The following SPMIP11 variants were observed in gnomAD, a reference collection of about 807,000 sequenced individuals.
SPMIP11 encodes sperm microtubule inner protein 11.
chr12:48,735,019 A>AAG, the SPMIP11 span, among the ~76,000 whole-genome samples: 1 of 150,580 alleles, frequency 6.6e-6, no homozygotes, highest in Non-Finnish European at 1.5e-5. Flanking sequence ...AAAAAAAAAA[A>AAG]AAAAGAAGAG....
the SPMIP11 span, among the ~76,000 whole-genome samples, chr12:48,742,593 C>T: frequency 1.3e-5 from 2 of 152,030 alleles, no homozygotes; most frequent in Non-Finnish European, 2.9e-5. Context: ...TTTATAAAAG[C>T]CACTGCCAGG....
chr12:48,760,565 C>T, the SPMIP11 span, among the ~76,000 whole-genome samples: 3 of 152,106 alleles, frequency 2.0e-5, no homozygotes, highest in Admixed American at 1.3e-4. Flanking sequence ...CTCACTCTAT[C>T]GCCCAGGCTG....
the SPMIP11 span, among the ~76,000 whole-genome samples, chr12:48,746,360 CTTTTTTT>C: frequency 1.1e-4 from 11 of 101,236 alleles, no homozygotes; most frequent in South Asian, 3.4e-4. Flanking sequence ...ACTATAATTC[CTTTTTTT>C]TTTTTTTTTT....
the SPMIP11 span, among the ~76,000 whole-genome samples, chr12:48,736,948 G>A: frequency 1.6e-4 from 24 of 151,602 alleles, no homozygotes; most frequent in Middle Eastern, 3.4e-3. Context: ...ATTTCTTTCT[G>A]GAAGCTTTTT....
At chr12:48,759,222 A>G in the SPMIP11 span, 1 of 703,026 alleles carries the variant, frequency 1.4e-6, no homozygotes, top group Non-Finnish European at 2.6e-6. Context: ...AGAAGGAACC[A>G]GAGCCTACTA....
At chr12:48,757,629 G>C in the SPMIP11 span, among the ~76,000 whole-genome samples, 1 of 145,034 alleles carries the variant, frequency 6.9e-6, no homozygotes, top group Non-Finnish European at 1.5e-5. Context: ...CTGGGTGACA[G>C]AGTGAGACTC....
chr12:48,731,393 A>C, the SPMIP11 span, among the ~76,000 whole-genome samples: 2 of 152,052 alleles, frequency 1.3e-5, no homozygotes, highest in African/African-American at 4.8e-5. Context: ...GGGGAGGCTG[A>C]GGCAGGAGAA....
At chr12:48,751,193 G>A in the SPMIP11 span, among the ~76,000 whole-genome samples, 14 of 152,218 alleles carry the variant, frequency 9.2e-5, no homozygotes, top group South Asian at 2.7e-3. Flanking sequence ...GAGTCAACAC[G>A]TGTAATCAAA....
the SPMIP11 span, among the ~76,000 whole-genome samples, chr12:48,746,047 A>G: frequency 2.6e-5 from 4 of 152,314 alleles, no homozygotes; most frequent in African/African-American, 9.6e-5. Context: ...TGTGTAAGAC[A>G]CTGGAAATAC....
At chr12:48,757,024 C>T in the SPMIP11 span, among the ~76,000 whole-genome samples, 17 of 152,210 alleles carry the variant, frequency 1.1e-4, no homozygotes, top group Middle Eastern at 3.4e-3. Flanking sequence ...GATCCATCCT[C>T]CTCGGCCTCC....
At chr12:48,729,579 G>A in the SPMIP11 span, among the ~76,000 whole-genome samples, 2 of 151,490 alleles carry the variant, frequency 1.3e-5, no homozygotes, top group African/African-American at 4.8e-5. Flanking sequence ...GCATGGCGGT[G>A]CATGCCTGTA....
At chr12:48,763,682 T>C in the SPMIP11 span, among the ~76,000 whole-genome samples, 11 of 123,786 alleles carry the variant, frequency 8.9e-5, no homozygotes, top group South Asian at 2.0e-3. Context: ...GTAAAAGTAC[T>C]TTTTTTTTTT....
chr12:48,753,753 G>A, the SPMIP11 span, among the ~76,000 whole-genome samples: 1 of 143,202 alleles, frequency 7.0e-6, no homozygotes, highest in African/African-American at 2.6e-5. Context: ...CCAGGCTGGA[G>A]TGCAGTGGCG....
At chr12:48,747,738 G>C in the SPMIP11 span, among the ~76,000 whole-genome samples, 1 of 152,098 alleles carries the variant, frequency 6.6e-6, no homozygotes, top group Non-Finnish European at 1.5e-5. Flanking sequence ...ACATTCAATG[G>C]TAATTTTGTT....
the SPMIP11 span, among the ~76,000 whole-genome samples, chr12:48,736,684 T>C: frequency 6.7e-6 from 1 of 148,698 alleles, no homozygotes; most frequent in Non-Finnish European, 1.5e-5. Flanking sequence ...GTATTCCCTG[T>C]TTCCTGGGTC....
At chr12:48,755,875 C>CTTTT in the SPMIP11 span, among the ~76,000 whole-genome samples, 68 of 101,574 alleles carry the variant, frequency 6.7e-4, no homozygotes, top group African/African-American at 8.2e-4. Context: ...CAGTTTCTTT[C>CTTTT]TTTTTTTTTT....
chr12:48,765,667 T>C, the SPMIP11 span: 1 of 702,934 alleles, frequency 1.4e-6, no homozygotes, highest in South Asian at 1.5e-5. Context: ...AAGATATGGC[T>C]GCAGAAAGAC....
chr12:48,760,324 C>T, the SPMIP11 span, among the ~76,000 whole-genome samples: 1 of 151,990 alleles, frequency 6.6e-6, no homozygotes, highest in African/African-American at 2.4e-5. Flanking sequence ...CAGGCATGCA[C>T]CACCAAGCCT....
At chr12:48,753,731 TCA>T in the SPMIP11 span, among the ~76,000 whole-genome samples, 2 of 140,280 alleles carry the variant, frequency 1.4e-5, no homozygotes. Flanking sequence ...GGAGACAGTC[TCA>T]CTCTGTCGCC....
Sources: gnomAD v4.1 joint callset for allele counts (sites outside exome capture counted in the v4.1 genomes callset) on GRCh38, gnomAD v4.1.1 for gene constraint, MANE v1.5 for transcripts, NCBI Gene and HGNC (gene_info 2026-07-23, HGNC 2026-07-21) for gene names.